Variants in NOTCH2NLB observed in about 807,000 individuals in gnomAD.
The protein encoded by NOTCH2NLB is notch homolog 2 N-terminal-like protein B.
Under a neutral mutation model 14.8 loss-of-function variants are expected in NOTCH2NLB, and 1 was observed. The observed-to-expected ratio is 0.07, with a 90% CI of 0.02 to 0.32. The LOEUF (loss-of-function observed/expected upper bound fraction) is 0.32, where lower values mean the gene tolerates loss of function less well. Ranked by LOEUF, NOTCH2NLB falls within the 10% of genes least tolerant of loss-of-function variation. The pLI is 1.00. For missense variants in NOTCH2NLB, 11 were observed against 155.0 expected, an observed-to-expected ratio of 0.07 and a Z score of 4.93; for synonymous variants, 6 against 57.5, an observed-to-expected ratio of 0.10 and a Z score of 4.05.
intron 1 of NOTCH2NLB, among the ~76,000 whole-genome samples, chr1:148,654,825 G>T (rs1664520014): frequency 1.3e-5 from 1 of 78,260 alleles, no homozygotes; most frequent in African/African-American, 4.1e-5. Context: ...CAAAATTCAG[G>T]GTATTTGGTG....
intron 3 of NOTCH2NLB, among the ~76,000 whole-genome samples, chr1:148,610,892 C>CA (rs1213221121): frequency 0.021 from 728 of 34,276 alleles, 11 homozygotes; most frequent in East Asian, 0.073. Context: ...TACTCCATCT[C>CA]AAAAAAAAAA....
intron 1 of NOTCH2NLB, among the ~76,000 whole-genome samples, chr1:148,651,162 A>ATATATATATATATATATAT (rs1325402394): frequency 1.1e-4 from 5 of 46,022 alleles, no homozygotes; most frequent in Non-Finnish European, 2.1e-4. Context: ...AAAAAAAAAA[A>ATATATATATATATATATAT]ATATATATAT....
intron 2 of NOTCH2NLB, among the ~76,000 whole-genome samples, chr1:148,626,150 G>GT (rs1407396026): frequency 1.2e-5 from 1 of 84,410 alleles, no homozygotes; most frequent in African/African-American, 5.1e-5. Flanking sequence ...CTGTGTAAAG[G>GT]TAACTAACTA....
chr1:148,646,950 C>A (rs1363401504), intron 1 of NOTCH2NLB, among the ~76,000 whole-genome samples: 4 of 149,316 alleles, frequency 2.7e-5, no homozygotes, highest in African/African-American at 9.8e-5. Context: ...ACTTGATGGA[C>A]TCTTCCTTAA....
At chr1:148,670,355 C>T (rs1470205913) in intron 1 of NOTCH2NLB, among the ~76,000 whole-genome samples, 2 of 143,620 alleles carry the variant, frequency 1.4e-5, no homozygotes, top group South Asian at 2.3e-4. Flanking sequence ...AAAGGCAATA[C>T]AAACGCCACT....
chr1:148,681,022 G>A (rs2149637155), upstream of NOTCH2NLB, among the ~76,000 whole-genome samples: 1 of 150,720 alleles, frequency 6.6e-6, no homozygotes. Context: ...GTCAAGGACG[G>A]AAAGGGGGTT....
At chr1:148,674,982 T>C (rs1292247730) in intron 1 of NOTCH2NLB, among the ~76,000 whole-genome samples, 1 of 94,466 alleles carries the variant, frequency 1.1e-5, no homozygotes, top group Admixed American at 9.9e-5. Context: ...AATATAAACT[T>C]AGTTAACTCT....
rs1275979751 is a variant in NOTCH2NLB, at chr1:148,649,667, C to G, written c.4-9578G>C. Among the ~76,000 whole-genome samples, 198 of 151,902 alleles carry G rather than the reference C, an allele frequency of 1.3e-3. No homozygotes were observed. The East Asian group carries it at 0.032, about 25-fold the overall frequency. ...CTGGGACTATAGGTGCCCGCCACCA[C>G]AACCGGCTAATTTTTTTTGTATTTT... On this transcript the variant is annotated intron_variant, in intron 1 of 4. Transcript: ENST00000593495.
At chr1:148,685,132 C>T in the NOTCH2NLB span, among the ~76,000 whole-genome samples, 2 of 69,190 alleles carry the variant, frequency 2.9e-5, no homozygotes, top group African/African-American at 1.1e-4. Flanking sequence ...CCTGTATGCA[C>T]CAAGATGTCT....
chr1:148,627,736 AC>A (rs1290790164), intron 2 of NOTCH2NLB, among the ~76,000 whole-genome samples: 10 of 150,776 alleles, frequency 6.6e-5, no homozygotes, highest in Non-Finnish European at 1.2e-4. Flanking sequence ...TGTTCTTATA[AC>A]CCTGAGCCTG....
intron 2 of NOTCH2NLB, among the ~76,000 whole-genome samples, chr1:148,627,669 T>C (rs2149609344): frequency 6.6e-6 from 1 of 152,046 alleles, no homozygotes; most frequent in South Asian, 2.1e-4. Context: ...AGCCCTAAAA[T>C]TTCATTGTCT....
rs1490127346 is a variant in NOTCH2NLB at position 148,615,027 on chromosome 1, G to A, written c.337+664C>T. On this transcript the variant is annotated intron_variant, in intron 3 of 4. Coordinates refer to ENST00000593495, the Ensembl canonical transcript of NOTCH2NLB. ...AAAAGCCAGTGCCCTGAATGTCTAG[G>A]GAGGGAGATTTCTAAAAGCAAATAG... Among the ~76,000 whole-genome samples, 14 of 68,714 alleles carry A rather than the reference G, an allele frequency of 2.0e-4. No individual in the cohort carries two copies. The Admixed American group carries it at 2.2e-3, about 11-fold the overall frequency. 45.1% of individuals were successfully genotyped at this position (68,714 alleles called of 152,430 possible).
chr1:148,684,557 C>T (rs1260345171), upstream of NOTCH2NLB, among the ~76,000 whole-genome samples: 1 of 118,410 alleles, frequency 8.4e-6, no homozygotes, highest in African/African-American at 3.0e-5. Context: ...CAGTTCTTTA[C>T]AGCACTGTGA....
chr1:148,670,498 C>CAT (rs1312876538), intron 1 of NOTCH2NLB, among the ~76,000 whole-genome samples: 108 of 116,438 alleles, frequency 9.3e-4, no homozygotes, highest in African/African-American at 1.9e-3. Context: ...TGTGTGTGTG[C>CAT]ATATATATAT....
At chr1:148,685,638 C>A in the NOTCH2NLB span, among the ~76,000 whole-genome samples, 1 of 150,862 alleles carries the variant, frequency 6.6e-6, no homozygotes, top group Non-Finnish European at 1.5e-5. Context: ...CCAGCCTGGG[C>A]AACATGTTGA....
In NOTCH2NLB at chr1:148,633,055, C is replaced by T. The variant is rs1228943589; in HGVS notation, c.77+6961G>A. ...ATGAGGTACTCAGGCCTACCTAATG[C>T]TACTGTCTTTAAATTTAGAAATTAC... On this transcript the variant is annotated intron_variant, in intron 2 of 4. Transcript: ENST00000593495. Among the ~76,000 whole-genome samples, 4 of 121,306 alleles carry T rather than the reference C, an allele frequency of 3.3e-5. 1 individual carries two copies. Among genetic ancestry groups the T allele is most frequent in the Non-Finnish European group, 6.6e-5 (4 of 60,400 alleles). 79.6% of individuals were successfully genotyped at this position (121,306 alleles called of 152,430 possible).
intron 2 of NOTCH2NLB, among the ~76,000 whole-genome samples, chr1:148,634,242 A>T (rs1213285709): frequency 6.8e-6 from 1 of 147,812 alleles, no homozygotes; most frequent in Non-Finnish European, 1.5e-5. Flanking sequence ...TTCCAGAAAA[A>T]CTATATACAC....
chr1:148,610,093 GC>G (rs1478837214), intron 3 of NOTCH2NLB, among the ~76,000 whole-genome samples: 1 of 142,160 alleles, frequency 7.0e-6, no homozygotes, highest in Non-Finnish European at 1.5e-5. Context: ...TTTGAGACCA[GC>G]CTGGCCAACA....
chr1:148,670,575 T>TATAA (rs1664756737), intron 1 of NOTCH2NLB, among the ~76,000 whole-genome samples: 2 of 136,012 alleles, frequency 1.5e-5, no homozygotes, highest in African/African-American at 5.3e-5. Context: ...TATATATATA[T>TATAA]ATAAATAAAT....
Sources: gnomAD v4.1 joint callset for allele counts (sites outside exome capture counted in the v4.1 genomes callset) on GRCh38, gnomAD v4.1.1 for gene constraint, MANE v1.5 for transcripts, NCBI Gene and HGNC (gene_info 2026-07-23, HGNC 2026-07-21) for gene names.